The following KMT2D variants were observed in gnomAD, a reference collection of about 807,000 sequenced individuals.
The protein encoded by KMT2D is histone-lysine N-methyltransferase 2D.
KMT2D carries 55 observed loss-of-function variants against 512.7 expected under a neutral mutation model. That is an observed-to-expected ratio of 0.11 (90% CI 0.09 to 0.13). The LOEUF (loss-of-function observed/expected upper bound fraction) is 0.13. Ranked by LOEUF, KMT2D falls within the 10% of genes least tolerant of loss-of-function variation. The pLI is 1.00. For missense variants in KMT2D, 6,061 were observed against 7,127.9 expected (o/e 0.85, Z 5.39); for synonymous variants, 2,995 against 2,904.0 (o/e 1.03, Z -1.01).
chr12:49,018,980 T>C lies in KMT2D; in HGVS notation c.*2800A>G, dbSNP rs1165394912. On this transcript the variant is annotated 3_prime_UTR_variant, in exon 55 of 55. Transcript: ENST00000301067. ...GGGTCATGGGACGGAGCCGCTTGTA[T>C]TTAAAATGTTCTTTTTTTATTTGTC... 7.1e-7 allele frequency: 1 copy of C among 1,410,216 alleles called. No individual in the cohort carries two copies. Among genetic ancestry groups the C allele is most frequent in the Non-Finnish European group, 9.2e-7 (1 of 1,085,412 alleles). 87.4% of individuals were successfully genotyped at this position (1,410,216 alleles called of 1,614,324 possible).
intron 1 of KMT2D, among the ~76,000 whole-genome samples, chr12:49,059,043 C>A (rs1738786274): frequency 6.6e-6 from 1 of 152,160 alleles, no homozygotes; most frequent in South Asian, 2.1e-4. Flanking sequence ...CCCAGCTACC[C>A]CCTTCATCAC....
rs764773203 is a variant in KMT2D, at chr12:49,051,238, C to T, written c.2445G>A (p.Leu815=). The T allele has an allele frequency of 6.5e-7, 1 of 1,528,020 alleles. No individual in the cohort carries two copies. Among genetic ancestry groups the T allele is most frequent in the Non-Finnish European group, 8.8e-7 (1 of 1,135,430 alleles). The allele number at this position is 1,528,020 out of a possible 1,614,324, so 94.7% of individuals were successfully genotyped here. ...HLSPQTEEPH[L]SPVPEEPCLS... ...AGCATGGCTCCTCAGGCACAGGAGA[C>T]AGGTGCGGCTCCTCAGTCTGGGGGG... is the stretch of plus-strand genomic sequence containing the variant. The change falls in exon 11 of 55, where the codon CTG becomes CTA. Residue 815 remains leucine, a synonymous_variant. Transcript: ENST00000301067.
intron 1 of KMT2D, among the ~76,000 whole-genome samples, chr12:49,055,907 C>G (rs780821410): frequency 2.0e-5 from 3 of 152,160 alleles, no homozygotes; most frequent in Non-Finnish European, 4.4e-5. Context: ...GGATGGATCT[C>G]CCCCACCGCC....
In KMT2D at chr12:49,054,838, C is replaced by A; in HGVS notation, c.176+62G>T. On this transcript the variant is annotated intron_variant, in intron 3 of 54. Transcript: ENST00000301067. This position sits in a 1 kb window ranked among gnomAD's most constrained non-coding sequence, Gnocchi z 6.4. ...CCATGCTTCCCCAACACTCATTTTCCTAAATTCTCTTCCTTGAAAGCCCTA... is the reference window on the plus strand; with the variant it reads ...CCATGCTTCCCCAACACTCATTTTCATAAATTCTCTTCCTTGAAAGCCCTA... 1 of 1,604,204 alleles carries A rather than the reference C, an allele frequency of 6.2e-7. No individual in the cohort carries two copies. Among genetic ancestry groups the A allele is most frequent in the South Asian group, 1.1e-5 (1 of 90,612 alleles).
intron 46 of KMT2D, 143 bp from the exon 47 acceptor site, chr12:49,028,284 C>A (rs944982079): frequency 8.0e-6 from 8 of 1,002,852 alleles, no homozygotes; most frequent in Middle Eastern, 2.6e-4. Context: ...TCTTTTCATA[C>A]ACTTCCCTCA....
Position 49,042,205 on chromosome 12 carries a change from T to G in KMT2D, c.5993A>C (p.Tyr1998Ser). The G allele has an allele frequency of 6.2e-7, 1 of 1,607,688 alleles. No individual in the cohort carries two copies. The highest frequency in any genetic ancestry group is 8.5e-7 in the Non-Finnish European group (1 of 1,177,230). Reference sequence around the variant, plus strand: ...CCAGCGCTGAAGACTCCGCTGGTTATAGGAGAGTCCGTCGCCCTCACCCTC... The same window carrying G: ...CCAGCGCTGAAGACTCCGCTGGTTAGAGGAGAGTCCGTCGCCCTCACCCTC... ...TTEGEGDGLS[Y>S]NQRSLQRWEK... Residue 1998 changes from tyrosine (Y) to serine (S), a missense_variant, in exon 29 of 55, where the codon TAT becomes TCT. This residue lies in a region of KMT2D where 640 missense variants were observed against 814.3 expected (regional missense o/e 0.79). Transcript: ENST00000301067. This position sits in a 1 kb window ranked among gnomAD's most constrained non-coding sequence, Gnocchi z 4.4.
In KMT2D at chr12:49,032,621, G is replaced by A. The variant is rs553360102; in HGVS notation, c.12084C>T (p.Thr4028=). 836 of 1,613,994 alleles carry A rather than the reference G, an allele frequency of 5.2e-4. 16 individuals are homozygous for A. In the South Asian group the frequency reaches 8.5e-3, roughly 16 times the overall value. The change falls in exon 40 of 55, where the codon ACC becomes ACT. Residue 4028 remains threonine, a synonymous_variant. Transcript: ENST00000301067. ...CCTCTGAAGAAACGGCTGGGTCTAC[G>A]GTGTTTTGTTCCTTGCCCGTCAGGA... is the stretch of plus-strand genomic sequence containing the variant. ...TLLLTGKEQN[T]VDPAVSSEAT...
At position 49,049,894 on chromosome 12, in the gene KMT2D, G is replaced by C. The variant is rs1247063414; in HGVS notation, c.3694C>G (p.Pro1232Ala). 6.2e-7 allele frequency: 1 copy of C among 1,613,890 alleles called. No homozygotes were observed. Among genetic ancestry groups the C allele is most frequent in the East Asian group, 2.2e-5 (1 of 44,880 alleles). ...ATGGACAGGGAGCCACCCCCCTCCG[G>C]GTCTGGAGAGCCCAGGAGGGGCTCT... ...GSEPLLGSPD[P>A]EGGGSLSMEL... Residue 1232 changes from proline (P) to alanine (A), a missense_variant, in exon 12 of 55, where the codon CCG becomes GCG. By Grantham distance (27) the Pro-to-Ala change is conservative. Transcript: ENST00000301067.
chr12:49,059,439 C>T (rs937778789), intron 1 of KMT2D, among the ~76,000 whole-genome samples, 174 bp downstream of exon 1: 1 of 152,184 alleles, frequency 6.6e-6, no homozygotes, highest in African/African-American at 2.4e-5. Context: ...CACCAGGCCT[C>T]AGTTCTGCCC....
At position 49,051,046 on chromosome 12, in the gene KMT2D, C is replaced by T. The variant is rs768050121; in HGVS notation, c.2637G>A (p.Glu879=). ...EEPGQCPAPE[E]LPLFPPPGEP... is the part of the protein sequence containing the mutation. ...CCCCAGGGGGAGGGAACAAGGGCAG[C>T]TCCTCAGGTGCAGGGCATTGGCCTG... The change falls in exon 11 of 55, where the codon GAG becomes GAA. Residue 879 remains glutamate, a synonymous_variant. Coordinates refer to ENST00000301067, the MANE Select transcript of KMT2D (RefSeq NM_003482.4). 2 of 1,545,356 alleles carry T rather than the reference C, an allele frequency of 1.3e-6. No individual in the cohort carries two copies. The highest frequency in any genetic ancestry group is 1.7e-6 in the Non-Finnish European group (2 of 1,149,138).
At position 49,038,025 on chromosome 12, in the gene KMT2D, G is replaced by A. The variant is rs759150044; in HGVS notation, c.9331C>T (p.Leu3111=). ...PPAADASEPR[L]ASVLPEVKPK... is the part of the protein sequence containing the mutation. Reference sequence around the variant, plus strand: ...TTCACCTCAGGGAGCACAGATGCCAGGCGGGGTTCAGAGGCATCAGCAGCA... The same window carrying A: ...TTCACCTCAGGGAGCACAGATGCCAAGCGGGGTTCAGAGGCATCAGCAGCA... The change falls in exon 35 of 55, where the codon CTG becomes TTG. Residue 3111 remains leucine, a synonymous_variant. Coordinates refer to ENST00000301067, the MANE Select transcript of KMT2D (RefSeq NM_003482.4). This position sits in a 1 kb window ranked among gnomAD's most constrained non-coding sequence, Gnocchi z 5.7. The A allele has an allele frequency of 3.7e-6, 6 of 1,609,352 alleles. No individual in the cohort carries two copies. Among genetic ancestry groups the A allele is most frequent in the Non-Finnish European group, 5.1e-6 (6 of 1,178,038 alleles).
At position 49,022,004 on chromosome 12, in the gene KMT2D, G is replaced by A. The variant is rs2137703274; in HGVS notation, c.16521+39C>T. On this transcript the variant is annotated intron_variant, in intron 54 of 54. Transcript: ENST00000301067. This position sits in a 1 kb window ranked among gnomAD's most constrained non-coding sequence, Gnocchi z 8.6. ...TGGCAGAGAAGGGGTGAAAGGAGGA[G>A]GAGCTGCTTTGTCACTCAGTCAGGA... 1 of 1,582,862 alleles carries A rather than the reference G, an allele frequency of 6.3e-7. No homozygotes were observed. The highest frequency in any genetic ancestry group is 8.7e-7 in the Non-Finnish European group (1 of 1,151,722).
Position 49,022,414 on chromosome 12 carries a change from G to A in KMT2D, c.16339-61C>T, listed in dbSNP as rs2137705453. The A allele has an allele frequency of 6.5e-7, 1 of 1,542,856 alleles. No homozygotes were observed. The highest frequency in any genetic ancestry group is 8.9e-7 in the Non-Finnish European group (1 of 1,127,142). The stretch of plus-strand genomic sequence containing the variant: ...GTATCAGAGAGTGGCAGTGGTGGCT[G>A]TGGGATCAGGTAGGAGACTCAGGCA... On this transcript the variant is annotated intron_variant, in intron 52 of 54. Coordinates refer to ENST00000301067, the MANE Select transcript of KMT2D (RefSeq NM_003482.4). The surrounding 1 kb of genome is among the most constrained non-coding windows in gnomAD (Gnocchi z 8.6).
rs1592097503 is a variant in KMT2D, at chr12:49,021,562, G to A, written c.*218C>T. ...CCTGGAGCTGGGGGCAGAGATGCCAGCCTGAGGGCCGGTGGTGGGGAAGAG... is the reference window on the plus strand; with the variant it reads ...CCTGGAGCTGGGGGCAGAGATGCCAACCTGAGGGCCGGTGGTGGGGAAGAG... On this transcript the variant is annotated 3_prime_UTR_variant, in exon 55 of 55. Coordinates refer to ENST00000301067, the MANE Select transcript of KMT2D (RefSeq NM_003482.4). 9.6e-5 allele frequency: 53 copies of A among 554,050 alleles called. 2 individuals carry two copies. The East Asian group carries it at 1.5e-3, about 16-fold the overall frequency. 34.3% of individuals were successfully genotyped at this position (554,050 alleles called of 1,614,324 possible). A position where few individuals can be genotyped will look rare whatever the true frequency, so the allele number is the denominator to read the frequency against.
rs1938074018 is a variant in KMT2D at position 49,051,930 on chromosome 12, G to C, written c.1753C>G (p.Pro585Ala). The change falls in exon 11 of 55, where the codon CCT becomes GCT. Residue 585 changes from proline (P) to alanine (A), a missense_variant. Physicochemically the swap from Pro to Ala is conservative, Grantham distance 27. Transcript: ENST00000301067. ...GGTGGAGACATGGGTGACTCTTCAG[G>C]TGGAGGGGACATGGGTGACTCCTCA... ...PPEESPMSPP[P>A]EESPMSPPPE... The C allele has an allele frequency of 6.2e-7, 1 of 1,613,496 alleles. No individual in the cohort carries two copies. The highest frequency in any genetic ancestry group is 8.5e-7 in the Non-Finnish European group (1 of 1,179,754).
At position 49,051,003 on chromosome 12, in the gene KMT2D, A is replaced by G. The variant is rs2120661542; in HGVS notation, c.2680T>C (p.Leu894=). Residue 894 remains leucine (L), a synonymous_variant, in exon 11 of 55, where the codon TTG becomes CTG. Coordinates refer to ENST00000301067, the MANE Select transcript of KMT2D (RefSeq NM_003482.4). ...PPPGEPSLSP[L]LGEPALSEPG... is the part of the protein sequence containing the mutation. ...TCAGACAGGGCTGGCTCTCCAAGCA[A>G]GGGAGATAAGGATGGTTCCCCAGGG... The G allele has an allele frequency of 6.4e-7, 1 of 1,570,390 alleles. No individual in the cohort carries two copies. The highest frequency in any genetic ancestry group is 8.6e-7 in the Non-Finnish European group (1 of 1,158,978).
Position 49,042,173 on chromosome 12 carries a change from C to A in KMT2D, c.6025G>T (p.Asp2009Tyr). The A allele has an allele frequency of 8.7e-6, 14 of 1,612,392 alleles. No individual in the cohort carries two copies. The highest frequency in any genetic ancestry group is 1.2e-5 in the Non-Finnish European group (14 of 1,179,316). The change falls in exon 29 of 55, where the codon GAT (aspartate) becomes TAT (tyrosine). Residue 2009 changes from aspartate (D) to tyrosine (Y), a missense_variant. By Grantham distance (160) the Asp-to-Tyr change is radical (BLOSUM62 -3). Transcript: ENST00000301067. This position sits in a 1 kb window ranked among gnomAD's most constrained non-coding sequence, Gnocchi z 4.4. ...NQRSLQRWEK[D>Y]EELGQLSTIS... Reference sequence around the variant, plus strand: ...GTGGACAGCTGGCCCAACTCCTCATCCTTCTCCCAGCGCTGAAGACTCCGC... The same window carrying A: ...GTGGACAGCTGGCCCAACTCCTCATACTTCTCCCAGCGCTGAAGACTCCGC...
At position 49,021,739 on chromosome 12, in the gene KMT2D, G is replaced by T; in HGVS notation, c.*41C>A. On this transcript the variant is annotated 3_prime_UTR_variant, in exon 55 of 55. Coordinates refer to ENST00000301067, the MANE Select transcript of KMT2D (RefSeq NM_003482.4). ...CCTCATCCCTTTCAGGGAAGAGGTTGTGGGTAGGGGGACTCCCCTGCCTGG... is the reference window on the plus strand; with the variant it reads ...CCTCATCCCTTTCAGGGAAGAGGTTTTGGGTAGGGGGACTCCCCTGCCTGG... 1 of 1,474,986 alleles carries T rather than the reference G, an allele frequency of 6.8e-7. No homozygotes were observed. The highest frequency in any genetic ancestry group is 1.1e-5 in the South Asian group (1 of 88,140). 91.4% of individuals were successfully genotyped at this position (1,474,986 alleles called of 1,614,324 possible).
intron 25 of KMT2D, 23 bp from the exon 26 acceptor site, chr12:49,043,209 A>G (rs2120565086): frequency 1.9e-6 from 3 of 1,605,866 alleles, no homozygotes; most frequent in Non-Finnish European, 2.6e-6. Context: ...GGAGAAACCC[A>G]TGGGTCAAGG....
Sources: gnomAD v4.1 joint callset for allele counts (sites outside exome capture counted in the v4.1 genomes callset) on GRCh38, gnomAD v4.1.1 for gene constraint, gnomAD v4.1.1 regional missense constraint, Gnocchi (gnomAD v3.1) non-coding constraint, MANE v1.5 for transcripts, NCBI Gene and HGNC (gene_info 2026-07-23, HGNC 2026-07-21) for gene names.